Variants in RAPGEF4 observed in about 807,000 individuals in gnomAD.
The protein encoded by RAPGEF4 is RAP guanine-nucleotide-exchange factor (GEF) 4.
RAPGEF4 carries 66 observed loss-of-function variants against 147.9 expected under a neutral mutation model. That is an observed-to-expected ratio of 0.45 (90% CI 0.37 to 0.55). The LOEUF (loss-of-function observed/expected upper bound fraction) is 0.55, where lower values mean the gene tolerates loss of function less well. RAPGEF4 is among the 20% of genes least tolerant of loss of function. The probability of loss-of-function intolerance (pLI) is 0.00; values close to 1 mark genes in which losing one functional copy is unlikely to be tolerated. For missense variants in RAPGEF4, 1,071 were observed against 1,257.3 expected (o/e 0.85, Z 2.24); for synonymous variants, 419 against 442.7 (o/e 0.95, Z 0.67).
intron 16 of RAPGEF4, 29 bp downstream of exon 16, chr2:172,996,583 A>T: frequency 7.2e-7 from 1 of 1,392,948 alleles, no homozygotes. Flanking sequence ...TTGCATGTCC[A>T]TTAAATCCAT....
At chr2:173,050,823 C>G (rs1686139989) in intron 30 of RAPGEF4, among the ~76,000 whole-genome samples, 1 of 150,664 alleles carries the variant, frequency 6.6e-6, no homozygotes, top group Non-Finnish European at 1.5e-5. Context: ...CAGCAACATG[C>G]AGAAGCCAGG....
chr2:172,930,019 G>A (rs997413689), intron 6 of RAPGEF4, among the ~76,000 whole-genome samples: 9 of 152,246 alleles, frequency 5.9e-5, no homozygotes, highest in Admixed American at 5.2e-4. Context: ...AGCCAGTGCT[G>A]GCCTCTAGTA....
intron 1 of RAPGEF4, among the ~76,000 whole-genome samples, chr2:172,777,989 T>A (rs1684332921): frequency 6.6e-6 from 1 of 152,140 alleles, no homozygotes; most frequent in Admixed American, 6.6e-5. Flanking sequence ...ATAATATAAT[T>A]TTCTAATAAA....
chr2:172,911,210 G>A (rs1046730933), intron 4 of RAPGEF4, among the ~76,000 whole-genome samples: 3 of 152,202 alleles, frequency 2.0e-5, no homozygotes, highest in African/African-American at 7.2e-5. Context: ...ACAGTTCCCT[G>A]ATGATGCTTC....
intron 1 of RAPGEF4, among the ~76,000 whole-genome samples, chr2:172,793,411 G>C (rs1004269951): frequency 6.6e-6 from 1 of 152,116 alleles, no homozygotes; most frequent in Non-Finnish European, 1.5e-5. Flanking sequence ...GAGGCCCCCG[G>C]CTCTTATCAG....
At chr2:172,775,735 TA>T (rs1366246447) in intron 1 of RAPGEF4, among the ~76,000 whole-genome samples, 1 of 152,216 alleles carries the variant, frequency 6.6e-6, no homozygotes, top group South Asian at 2.1e-4. Context: ...CAAAAGTTTA[TA>T]AAAAATTATA....
intron 4 of RAPGEF4, among the ~76,000 whole-genome samples, chr2:172,910,570 G>A (rs1290986993): frequency 6.6e-6 from 1 of 152,224 alleles, no homozygotes; most frequent in Admixed American, 6.5e-5. Context: ...CCTTGCCCGT[G>A]CTCCACACTG....
At chr2:172,861,641 T>G (rs574290677) in intron 4 of RAPGEF4, among the ~76,000 whole-genome samples, 1 of 152,346 alleles carries the variant, frequency 6.6e-6, no homozygotes, top group African/African-American at 2.4e-5. Context: ...TTGTCCTAAT[T>G]AGAGGAATAT....
At chr2:172,937,960 A>ATGCTT (rs912812624) in intron 6 of RAPGEF4, among the ~76,000 whole-genome samples, 9 of 151,854 alleles carry the variant, frequency 5.9e-5, no homozygotes, top group African/African-American at 2.2e-4. Flanking sequence ...TCCCATCACT[A>ATGCTT]TGCTTTGTTT....
intron 6 of RAPGEF4, among the ~76,000 whole-genome samples, chr2:172,953,966 A>G (rs1688477648): frequency 1.3e-5 from 2 of 152,194 alleles, no homozygotes; most frequent in African/African-American, 4.8e-5. Flanking sequence ...AGACACTCCT[A>G]AAGTCTTTTC....
intron 1 of RAPGEF4, among the ~76,000 whole-genome samples, chr2:172,787,681 G>A (rs7595331): frequency 5.3e-5 from 8 of 151,922 alleles, no homozygotes; most frequent in Middle Eastern, 3.4e-3. Flanking sequence ...GTGCAGTGGC[G>A]TGATCATGGC....
intron 2 of RAPGEF4, among the ~76,000 whole-genome samples, chr2:172,796,652 G>A (rs184364287): frequency 6.6e-6 from 1 of 152,152 alleles, no homozygotes; most frequent in Admixed American, 6.5e-5. Flanking sequence ...CTCCTGAGTC[G>A]CTAGGACTAC....
intron 1 of RAPGEF4, among the ~76,000 whole-genome samples, chr2:172,737,216 T>G (rs1217276857): frequency 6.6e-6 from 1 of 152,200 alleles, no homozygotes; most frequent in Non-Finnish European, 1.5e-5. Context: ...AGTGCCCTAT[T>G]TATGTCTAAA....
intron 1 of RAPGEF4, among the ~76,000 whole-genome samples, chr2:172,761,380 G>C (rs1696319485): frequency 6.6e-6 from 1 of 152,098 alleles, no homozygotes; most frequent in African/African-American, 2.4e-5. Flanking sequence ...GACCTCAGGT[G>C]ATCTGCCCAC....
chr2:173,001,391 C>G, intron 17 of RAPGEF4, 47 bp downstream of exon 17: 2 of 1,589,756 alleles, frequency 1.3e-6, no homozygotes, highest in Non-Finnish European at 1.7e-6. Context: ...CGAAGACAAC[C>G]CCCCCTATCG....
At chr2:173,035,511 CAAAA>C (rs926764976) in intron 27 of RAPGEF4, among the ~76,000 whole-genome samples, 2 of 65,458 alleles carry the variant, frequency 3.1e-5, no homozygotes, top group Non-Finnish European at 6.3e-5. Context: ...ACTCTGTCTC[CAAAA>C]AAAAAAAAAA....
At chr2:172,993,904 C>T (rs1386197022) in intron 15 of RAPGEF4, among the ~76,000 whole-genome samples, 5 of 152,136 alleles carry the variant, frequency 3.3e-5, no homozygotes, top group Admixed American at 2.6e-4. Context: ...TGGGGGTCTC[C>T]GACTGGCCAG....
rs1013586276 is a variant in RAPGEF4, at chr2:172,744,476, T to C, written c.65+8428T>C. ...GGTCATCTCTAGAGAGAAAATGTAG[T>C]GTAGAGGTTAAAAATTTAGGAGTCA... On this transcript the variant is annotated intron_variant, in intron 1 of 30. Coordinates refer to ENST00000397081, the MANE Select transcript of RAPGEF4 (RefSeq NM_007023.4). 3 of 452,910 alleles carry C rather than the reference T, an allele frequency of 6.6e-6. No homozygotes were observed. The Admixed American group carries it at 7.1e-5, about 11-fold the overall frequency. The allele number at this position is 452,910 out of a possible 1,614,324, so 28.1% of individuals were successfully genotyped here.
intron 1 of RAPGEF4, among the ~76,000 whole-genome samples, chr2:172,739,363 G>A (rs953170396): frequency 2.0e-5 from 3 of 148,064 alleles, no homozygotes; most frequent in African/African-American, 4.9e-5. Context: ...CATTGTTTAA[G>A]TTTTTTTGTT....
Sources: gnomAD v4.1 joint callset for allele counts (sites outside exome capture counted in the v4.1 genomes callset) on GRCh38, gnomAD v4.1.1 for gene constraint, MANE v1.5 for transcripts, NCBI Gene and HGNC (gene_info 2026-07-23, HGNC 2026-07-21) for gene names.